Variants in COX19 observed in about 807,000 individuals in gnomAD.
COX19 encodes cytochrome c oxidase assembly protein COX19.
A neutral mutation model predicts 6.8 loss-of-function variants in COX19; 8 were observed. That is an observed-to-expected ratio of 1.18 (90% CI 0.69 to 2.12). The LOEUF is 2.12. Ranked by LOEUF, COX19 falls within the 30% of genes most tolerant of loss-of-function variation. The probability of loss-of-function intolerance (pLI) is 0.00; values close to 1 mark genes in which losing one functional copy is unlikely to be tolerated. For synonymous variants in COX19, 51 were observed against 38.0 expected (o/e 1.34, Z -1.26); for missense variants, 131 against 104.6 (o/e 1.25, Z -1.10).
rs571562222 is a variant in COX19 at position 971,421 on chromosome 7, A to G, written c.194+1760T>C. ...AAAAGGAAGAAAAGAAATGGCTAAA[A>G]ACAGGGTGGGTGCCGGTTATGGGAG... On this transcript the variant is annotated intron_variant, in intron 2 of 2. Transcript: ENST00000344111. Among the ~76,000 whole-genome samples the G allele has an allele frequency of 2.0e-5, 3 of 152,330 alleles. No homozygotes were observed. The South Asian group carries it at 6.2e-4, about 32-fold the overall frequency.
rs1189564806 is a variant in COX19, at chr7:975,447, G to A, written c.63C>T (p.Ser21=). The change falls in exon 1 of 3, where the codon AGC becomes AGT. Residue 21 remains serine (S), a synonymous_variant. Coordinates refer to ENST00000344111, the MANE Select transcript of COX19 (RefSeq NM_001031617.3). The part of the protein sequence containing the change: ...SFQPRPPDKG[S]FPLDHLGECK... ...GCTCACCTAAGTGATCCAGCGGGAA[G>A]CTGCCCTTGTCCGGGGGCCGCGGCT... is the stretch of plus-strand genomic sequence containing the variant. The A allele has an allele frequency of 1.3e-6, 2 of 1,599,200 alleles. No homozygotes were observed.
Position 968,379 on chromosome 7 carries a change from G to C in COX19, c.*999C>G, listed in dbSNP as rs867162058. On this transcript the variant is annotated 3_prime_UTR_variant, in exon 3 of 3. Transcript: ENST00000344111. Reference sequence around the variant, plus strand: ...CTTGGAGACAGCCACTGCCAGGGTCGCCAGAGAGGACGTGACCTGGACCTC... The same window carrying C: ...CTTGGAGACAGCCACTGCCAGGGTCCCCAGAGAGGACGTGACCTGGACCTC... 1 of 152,328 alleles carries C rather than the reference G, an allele frequency of 6.6e-6. No individual in the cohort carries two copies. The highest frequency in any genetic ancestry group is 1.5e-5 in the Non-Finnish European group (1 of 68,112). 9.4% of individuals were successfully genotyped at this position (152,328 alleles called of 1,614,324 possible). A position where few individuals can be genotyped will look rare whatever the true frequency, so the allele number is the denominator to read the frequency against.
chr7:972,106 C>T (rs1461477008), intron 2 of COX19, among the ~76,000 whole-genome samples: 1 of 152,134 alleles, frequency 6.6e-6, no homozygotes, highest in Non-Finnish European at 1.5e-5. Flanking sequence ...TTGGCAGCGC[C>T]ATGGAGAAAT....
rs1847535147 is a variant in COX19 at position 965,323 on chromosome 7, C to A, written c.*4055G>T. Among the ~76,000 whole-genome samples the A allele has an allele frequency of 6.6e-6, 1 of 152,140 alleles. No homozygotes were observed. The highest frequency in any genetic ancestry group is 1.5e-5 in the Non-Finnish European group (1 of 68,032). Reference sequence around the variant, plus strand: ...TGTGTATACCCAGTTCCCCAAATAACATCTTACATAACACTGGGCCAGCGC... The same window carrying A: ...TGTGTATACCCAGTTCCCCAAATAAAATCTTACATAACACTGGGCCAGCGC... On this transcript the variant is annotated 3_prime_UTR_variant, in exon 3 of 3. Coordinates refer to ENST00000344111, the MANE Select transcript of COX19 (RefSeq NM_001031617.3).
rs1008412441 is a variant in COX19, at chr7:964,899, C to T, written c.*4479G>A. On this transcript the variant is annotated 3_prime_UTR_variant, in exon 3 of 3. Coordinates refer to ENST00000344111, the MANE Select transcript of COX19 (RefSeq NM_001031617.3). ...AATGTGGCCAGCTTATCATGACAAG[C>T]GTCTATGAGAAATAAAATGCATTCT... Among the ~76,000 whole-genome samples, 3 of 152,254 alleles carry T rather than the reference C, an allele frequency of 2.0e-5. No individual in the cohort carries two copies. The highest frequency in any genetic ancestry group is 6.5e-5 in the Admixed American group (1 of 15,284).
At chr7:969,498 G>C (rs745510165) in intron 2 of COX19, 42 bp from the exon 3 acceptor site, 1 of 1,276,528 alleles carries the variant, frequency 7.8e-7, no homozygotes, top group South Asian at 1.2e-5. Context: ...GAGGTGCAGA[G>C]AGGACAAGAG....
rs1847601661 is a variant in COX19, at chr7:969,226, T to C, written c.*152A>G. 2 of 653,692 alleles carry C rather than the reference T, an allele frequency of 3.1e-6. No individual in the cohort carries two copies. The highest frequency in any genetic ancestry group is 3.6e-5 in the African/African-American group (2 of 55,102). The allele number at this position is 653,692 out of a possible 1,614,324, so 40.5% of individuals were successfully genotyped here. A position where few individuals can be genotyped will look rare whatever the true frequency, so the allele number is the denominator to read the frequency against. On this transcript the variant is annotated 3_prime_UTR_variant, in exon 3 of 3. Coordinates refer to ENST00000344111, the MANE Select transcript of COX19 (RefSeq NM_001031617.3). ...TAAGGGAAAACGGGACGCCACTCCC[T>C]ACCCAGGAGACGCCCCCACAGGGCT... is the stretch of plus-strand genomic sequence containing the variant.
intron 2 of COX19, among the ~76,000 whole-genome samples, chr7:969,711 G>A (rs970853968): frequency 6.6e-6 from 1 of 152,114 alleles, no homozygotes; most frequent in African/African-American, 2.4e-5. Context: ...TCCAAGAGGG[G>A]CAGCTGCACC....
In COX19 at chr7:973,219, T is replaced by A; in HGVS notation, c.156A>T (p.Arg52Ser). The change falls in exon 2 of 3, where the codon AGA (arginine) becomes AGT (serine). Residue 52 changes from arginine (R) to serine (S), a missense_variant. Transcript: ENST00000344111. The stretch of plus-strand genomic sequence containing the variant: ...ATTCTAAATATTCTTTTGATTCCTT[T>A]CTGCACAAAGCATTTTCAAAATTAT... ...HNNNFENALC[R>S]KESKEYLECR... 2 of 1,605,918 alleles carry A rather than the reference T, an allele frequency of 1.2e-6. No individual in the cohort carries two copies. Among genetic ancestry groups the A allele is most frequent in the Non-Finnish European group, 1.7e-6 (2 of 1,176,570 alleles).
rs753694219 is a variant in COX19 at position 975,448 on chromosome 7, C to G, written c.62G>C (p.Ser21Thr). 6.3e-7 allele frequency: 1 copy of G among 1,599,442 alleles called. No homozygotes were observed. Among genetic ancestry groups the G allele is most frequent in the South Asian group, 1.1e-5 (1 of 89,092 alleles). The change falls in exon 1 of 3, where the codon AGC (serine) becomes ACC (threonine). Residue 21 changes from serine (S) to threonine (T), a missense_variant. Ser to Thr is a moderately conservative substitution (Grantham distance 58). Coordinates refer to ENST00000344111, the MANE Select transcript of COX19 (RefSeq NM_001031617.3). ...SFQPRPPDKG[S>T]FPLDHLGECK... ...CTCACCTAAGTGATCCAGCGGGAAG[C>G]TGCCCTTGTCCGGGGGCCGCGGCTG...
At chr7:969,956 AT>A (rs58481554) in intron 2 of COX19, among the ~76,000 whole-genome samples, 46,503 of 117,466 alleles carry the variant, frequency 0.4, 8,901 homozygotes, top group Admixed American at 0.46. Context: ...GTTATCTGAT[AT>A]TTTTTTTTTT....
At position 968,954 on chromosome 7, in the gene COX19, C is replaced by T. The variant is rs138508539; in HGVS notation, c.*424G>A. 328 of 154,178 alleles carry T rather than the reference C, an allele frequency of 2.1e-3. 4 individuals are homozygous for T. Among genetic ancestry groups the T allele is most frequent in the African/African-American group, 7.5e-3 (310 of 41,180 alleles). 9.6% of individuals were successfully genotyped at this position (154,178 alleles called of 1,614,324 possible). A position where few individuals can be genotyped will look rare whatever the true frequency, so the allele number is the denominator to read the frequency against. ...TTCAAAGGAAATGAACTGGCATATACGAATACAAACACGAAAACATCCTGC... is the reference window on the plus strand; with the variant it reads ...TTCAAAGGAAATGAACTGGCATATATGAATACAAACACGAAAACATCCTGC... On this transcript the variant is annotated 3_prime_UTR_variant, in exon 3 of 3. Coordinates refer to ENST00000344111, the MANE Select transcript of COX19 (RefSeq NM_001031617.3).
Position 969,463 on chromosome 7 carries a change from G to GA in COX19, c.195-8dup. On this transcript the variant is annotated splice_polypyrimidine_tract_variant and splice_region_variant and intron_variant, in intron 2 of 2. Transcript: ENST00000344111. ...TTCTTGTAGCATCAATTTTCTAAAA[G>GA]AAAAAGAGAAAGCTGTCAGGGCGGG... 6.3e-7 allele frequency: 1 copy of GA among 1,586,748 alleles called. No homozygotes were observed. The highest frequency in any genetic ancestry group is 8.7e-7 in the Non-Finnish European group (1 of 1,155,974).
chr7:970,131 T>C (rs1323674082), intron 2 of COX19, among the ~76,000 whole-genome samples: 1 of 151,836 alleles, frequency 6.6e-6, no homozygotes, highest in African/African-American at 2.4e-5. Context: ...CCACCATGCG[T>C]GGCTAATTTC....
chr7:975,389 C>T, intron 1 of COX19, 39 bp downstream of exon 1: 6 of 1,498,928 alleles, frequency 4.0e-6, no homozygotes, highest in Non-Finnish European at 3.6e-6. Context: ...CCCAGACCCC[C>T]CATCGCAGAC....
Position 973,289 on chromosome 7 carries a change from T to G in COX19, c.86A>C (p.Glu29Ala), listed in dbSNP as rs1373826860. ...GAATTTCTCTTTAAAGCTTTTACAT[T>G]CACCTAGAACGAGAAAGAAAACAGC... Reference protein sequence around the residue: ...KGSFPLDHLGECKSFKEKFMK... With the variant: ...KGSFPLDHLGACKSFKEKFMK... The change falls in exon 2 of 3, where the codon GAA becomes GCA. Residue 29 changes from glutamate (E) to alanine (A), a missense_variant. Transcript: ENST00000344111. 6.3e-7 allele frequency: 1 copy of G among 1,588,448 alleles called. No homozygotes were observed. The highest frequency in any genetic ancestry group is 8.6e-7 in the Non-Finnish European group (1 of 1,169,484).
At position 975,502 on chromosome 7, in the gene COX19, G is replaced by A. The variant is rs1847694276; in HGVS notation, c.8C>T (p.Thr3Ile). The part of the protein sequence containing the change: MS[T>I]AMNFGTKSFQ... ...GCTCTTGGTCCCGAAATTCATGGCG[G>A]TCGACATGTTGGCGACTCCGGAGTC... Residue 3 changes from threonine (T) to isoleucine (I), a missense_variant, in exon 1 of 3, where the codon ACC (threonine) becomes ATC (isoleucine). Thr to Ile is a moderately conservative substitution (Grantham distance 89, BLOSUM62 -1). Coordinates refer to ENST00000344111, the MANE Select transcript of COX19 (RefSeq NM_001031617.3). 5.0e-6 allele frequency: 8 copies of A among 1,603,222 alleles called. No homozygotes were observed. Among genetic ancestry groups the A allele is most frequent in the South Asian group, 2.2e-5 (2 of 89,620 alleles).
Position 969,325 on chromosome 7 carries a change from C to A in COX19, c.*53G>T. 8.9e-7 allele frequency: 1 copy of A among 1,118,786 alleles called. No individual in the cohort carries two copies. The highest frequency in any genetic ancestry group is 1.2e-5 in the South Asian group (1 of 80,790). The allele number at this position is 1,118,786 out of a possible 1,614,324, so 69.3% of individuals were successfully genotyped here. On this transcript the variant is annotated 3_prime_UTR_variant, in exon 3 of 3. Coordinates refer to ENST00000344111, the MANE Select transcript of COX19 (RefSeq NM_001031617.3). The stretch of plus-strand genomic sequence containing the variant: ...AGCCAACCTAAGAGGCAGGATGATG[C>A]CCTCCGTCCTGAGAGACCACTGAAC...
chr7:972,132 T>C (rs183648493), intron 2 of COX19, among the ~76,000 whole-genome samples: 2 of 152,288 alleles, frequency 1.3e-5, no homozygotes, highest in Admixed American at 1.3e-4. Flanking sequence ...GTTCCAGTTT[T>C]CTAAAGATGC....
Sources: allele counts gnomAD v4.1 joint callset (sites outside exome capture counted in the v4.1 genomes callset), GRCh38; gene constraint gnomAD v4.1.1; transcripts MANE v1.5; gene names NCBI Gene and HGNC (gene_info 2026-07-23, HGNC 2026-07-21).